The following ANXA8 variants were observed in gnomAD, a reference collection of about 807,000 sequenced individuals.
ANXA8 encodes annexin A8.
ANXA8 carries 9 observed loss-of-function variants against 26.8 expected under a neutral mutation model. The ratio of observed to expected loss-of-function variants is 0.34; its 90% CI spans 0.20 to 0.59. The LOEUF is 0.59. Ranked by LOEUF, ANXA8 falls within the 20% of genes least tolerant of loss-of-function variation. ANXA8 has a pLI of 0.84. For synonymous variants in ANXA8, 39 were observed against 94.8 expected, an observed-to-expected ratio of 0.41 and a Z score of 3.42; for missense variants, 83 against 238.5, an observed-to-expected ratio of 0.35 and a Z score of 4.29.
At chr10:47,527,691 G>A in the ANXA8 span, among the ~76,000 whole-genome samples, 1 of 137,766 alleles carries the variant, frequency 7.3e-6, no homozygotes, top group African/African-American at 2.7e-5. Context: ...CAGGCAGTGG[G>A]CAAAGTAGTG....
At chr10:47,568,115 A>G in the ANXA8 span, 1 of 266,022 alleles carries the variant, frequency 3.8e-6, no homozygotes, top group South Asian at 3.9e-5. Context: ...GCTCACTGCA[A>G]CCTCCGCCTC....
At chr10:47,555,242 C>T in the ANXA8 span, among the ~76,000 whole-genome samples, 1 of 151,830 alleles carries the variant, frequency 6.6e-6, no homozygotes, top group Non-Finnish European at 1.5e-5. Flanking sequence ...AGACACCGCT[C>T]CTTTCCCCAG....
chr10:47,563,816 C>G, the ANXA8 span: 2 of 641,130 alleles, frequency 3.1e-6, no homozygotes, highest in Non-Finnish European at 5.6e-6. Flanking sequence ...TCTTTAAGAC[C>G]TGCATCATTT....
the ANXA8 span, among the ~76,000 whole-genome samples, chr10:47,648,072 G>A: frequency 8.3e-4 from 126 of 151,960 alleles, no homozygotes; most frequent in African/African-American, 3.0e-3. Flanking sequence ...TGTTACCTCT[G>A]AAGAGGCACT....
chr10:47,949,475 C>A, the ANXA8 span, among the ~76,000 whole-genome samples: 1 of 143,600 alleles, frequency 7.0e-6, no homozygotes, highest in Admixed American at 6.8e-5. Context: ...ATGAAAAACA[C>A]TTAATGGTAA....
intron 1 of ANXA8, among the ~76,000 whole-genome samples, chr10:47,481,589 T>C (rs1407275460): frequency 6.6e-6 from 1 of 151,792 alleles, no homozygotes; most frequent in African/African-American, 2.4e-5. Context: ...CACCAGCGAG[T>C]GGCCAGGCTG....
the ANXA8 span, among the ~76,000 whole-genome samples, chr10:47,676,367 G>C: frequency 6.6e-6 from 1 of 151,778 alleles, no homozygotes; most frequent in Non-Finnish European, 1.5e-5. Context: ...ACAAAAATAA[G>C]CCAACAAATT....
At chr10:47,524,055 C>A in the ANXA8 span, among the ~76,000 whole-genome samples, 1 of 152,260 alleles carries the variant, frequency 6.6e-6, no homozygotes, top group East Asian at 1.9e-4. Context: ...GCTTATGATG[C>A]TGCTGCTCTC....
At chr10:47,525,643 T>C in the ANXA8 span, among the ~76,000 whole-genome samples, 3 of 137,784 alleles carry the variant, frequency 2.2e-5, 1 homozygote, top group Non-Finnish European at 4.7e-5. Context: ...TTGTAGATTA[T>C]TATTATTATT....
chr10:47,733,267 CTTTCTTTCTT>C, the ANXA8 span, among the ~76,000 whole-genome samples: 1 of 97,610 alleles, frequency 1.0e-5, no homozygotes, highest in Admixed American at 1.2e-4. Flanking sequence ...TTCTTTCTTT[CTTTCTTTCTT>C]TCTTTCTTTC....
the ANXA8 span, among the ~76,000 whole-genome samples, chr10:47,631,385 T>G: frequency 6.6e-6 from 1 of 151,732 alleles, no homozygotes; most frequent in African/African-American, 2.4e-5. Context: ...ACCAGCTTTA[T>G]ATGACCAAAA....
the ANXA8 span, among the ~76,000 whole-genome samples, chr10:47,657,663 C>G: frequency 1.3e-5 from 2 of 150,170 alleles, no homozygotes; most frequent in Non-Finnish European, 2.9e-5. Context: ...AGGAAATAGT[C>G]TCAATCCTAT....
the ANXA8 span, among the ~76,000 whole-genome samples, chr10:47,507,880 A>C: frequency 1.7e-4 from 17 of 99,464 alleles, no homozygotes; most frequent in African/African-American, 6.5e-4. Context: ...CTTTCGTCCC[A>C]TGCGATTTAT....
chr10:47,529,304 C>T, the ANXA8 span, among the ~76,000 whole-genome samples: 12 of 148,304 alleles, frequency 8.1e-5, no homozygotes, highest in Admixed American at 1.3e-4. Flanking sequence ...AGGTAAGAAA[C>T]ATTTGATGAC....
At chr10:47,588,682 T>C in the ANXA8 span, 1 of 146,918 alleles carries the variant, frequency 6.8e-6, no homozygotes, top group Non-Finnish European at 1.5e-5. Flanking sequence ...ATGTAAACAT[T>C]TGCTTATAGT....
the ANXA8 span, chr10:47,523,717 C>A: frequency 9.0e-7 from 1 of 1,108,234 alleles, no homozygotes; most frequent in Non-Finnish European, 1.2e-6. Flanking sequence ...GCTAGGGCTG[C>A]GGGCCAAGGC....
chr10:47,969,683 CCTGT>C, the ANXA8 span, among the ~76,000 whole-genome samples: 1 of 147,776 alleles, frequency 6.8e-6, no homozygotes, highest in Non-Finnish European at 1.5e-5. Context: ...GGGGGCTTAG[CCTGT>C]CTAATATTGC....
At chr10:47,630,857 A>C in the ANXA8 span, among the ~76,000 whole-genome samples, 1 of 149,046 alleles carries the variant, frequency 6.7e-6, no homozygotes, top group Non-Finnish European at 1.5e-5. Context: ...AGGACAATTC[A>C]CATTTCCTTT....
the ANXA8 span, among the ~76,000 whole-genome samples, chr10:47,495,196 CAG>C: frequency 6.7e-6 from 1 of 149,958 alleles, no homozygotes; most frequent in Non-Finnish European, 1.5e-5. Context: ...GGAGGGGAAA[CAG>C]AGAAACAGAG....
Sources: allele counts gnomAD v4.1 joint callset (sites outside exome capture counted in the v4.1 genomes callset), GRCh38; gene constraint gnomAD v4.1.1; transcripts MANE v1.5; gene names NCBI Gene and HGNC (gene_info 2026-07-23, HGNC 2026-07-21).